ARID1A: variants seen among roughly 807,000 people sequenced by gnomAD.
The protein encoded by ARID1A is AT-rich interactive domain-containing protein 1A.
ARID1A carries 20 observed loss-of-function variants against 212.6 expected under a neutral mutation model. That is an observed-to-expected ratio of 0.09 (90% CI 0.07 to 0.14). ARID1A has a LOEUF of 0.14. Among genes scored for constraint, ARID1A ranks in the 10% least tolerant of loss-of-function variants. The probability of loss-of-function intolerance (pLI) is 1.00; values close to 1 mark genes in which losing one functional copy is unlikely to be tolerated. For missense variants in ARID1A, 2,587 were observed against 3,059.0 expected (o/e 0.85, Z 3.64); for synonymous variants, 1,376 against 1,222.1 (o/e 1.13, Z -2.63).
intron 1 of ARID1A, among the ~76,000 whole-genome samples, chr1:26,724,887 C>A (rs1333671411): frequency 6.6e-6 from 1 of 152,144 alleles, no homozygotes; most frequent in Non-Finnish European, 1.5e-5. Flanking sequence ...TCTTTTGATA[C>A]ATTTCATTTG....
chr1:26,778,402 C>T (rs1233970309), intron 19 of ARID1A: 2 of 151,968 alleles, frequency 1.3e-5, no homozygotes, highest in Non-Finnish European at 2.9e-5. Flanking sequence ...GTGTTTTCTT[C>T]TAGAGGTAAA....
intron 1 of ARID1A, among the ~76,000 whole-genome samples, chr1:26,703,422 A>G (rs912833983): frequency 2.0e-5 from 3 of 152,156 alleles, no homozygotes; most frequent in African/African-American, 4.8e-5. Flanking sequence ...TTTTAACTAG[A>G]TTCATTGATT....
At position 26,731,582 on chromosome 1, in the gene ARID1A, A is replaced by G. The variant is rs1301061653; in HGVS notation, c.1781A>G (p.Gln594Arg). The part of the protein sequence containing the change: ...SQQSQQTAYS[Q>R]QRFPPPQELS... ...CAGTCCCAGCAAACTGCCTATTCCC[A>G]GCAGCGCTTCCCTCCACCGCAGGTA... is the stretch of plus-strand genomic sequence containing the variant. The change falls in exon 3 of 20, where the codon CAG becomes CGG. Residue 594 changes from glutamine (Q) to arginine (R), a missense_variant. By Grantham distance (43) the Gln-to-Arg change is conservative. Coordinates refer to ENST00000324856, the MANE Select transcript of ARID1A (RefSeq NM_006015.6). 6.2e-7 allele frequency: 1 copy of G among 1,613,670 alleles called. No homozygotes were observed. Among genetic ancestry groups the G allele is most frequent in the Non-Finnish European group, 8.5e-7 (1 of 1,179,786 alleles).
chr1:26,743,816 A>G (rs932918809), intron 4 of ARID1A, among the ~76,000 whole-genome samples: 13 of 151,974 alleles, frequency 8.6e-5, no homozygotes, highest in Admixed American at 7.2e-4. Context: ...AAAACATTTG[A>G]AGGATTTTAA....
intron 2 of ARID1A, among the ~76,000 whole-genome samples, chr1:26,730,399 T>C (rs1325652475): frequency 6.6e-6 from 1 of 152,260 alleles, no homozygotes; most frequent in Non-Finnish European, 1.5e-5. Context: ...TTCACATCAT[T>C]ATCTCTTTAT....
chr1:26,775,764 A>C (rs1344534920), intron 19 of ARID1A, 57 bp downstream of exon 19: 2 of 1,611,496 alleles, frequency 1.2e-6, no homozygotes, highest in Non-Finnish European at 1.7e-6. Context: ...TAGTGTAGAC[A>C]ATGGGAATGT....
intron 4 of ARID1A, among the ~76,000 whole-genome samples, chr1:26,757,469 CAAA>C (rs753801327): frequency 6.3e-5 from 4 of 63,600 alleles, no homozygotes; most frequent in Non-Finnish European, 6.4e-5. Context: ...GACTCCGTCT[CAAA>C]AAAAAAAAAA....
chr1:26,773,225 T>G, intron 14 of ARID1A, 121 bp from the exon 15 acceptor site: 1 of 1,414,490 alleles, frequency 7.1e-7, no homozygotes, highest in Non-Finnish European at 9.5e-7. Flanking sequence ...GATCTCTGTT[T>G]TGAACTTGTC....
At position 26,781,471 on chromosome 1, in the gene ARID1A, A is replaced by G; in HGVS notation, c.*715A>G. 1 of 232,888 alleles carries G rather than the reference A, an allele frequency of 4.3e-6. No individual in the cohort carries two copies. Among genetic ancestry groups the G allele is most frequent in the Non-Finnish European group, 8.5e-6 (1 of 117,702 alleles). The allele number at this position is 232,888 out of a possible 1,614,324, so 14.4% of individuals were successfully genotyped here. ...TAAACGTTGAGGAGAAAAAAAAAAA[A>G]GGCTTTTCCCCCAAAGTATCATGTG... On this transcript the variant is annotated 3_prime_UTR_variant, in exon 20 of 20. Transcript: ENST00000324856.
rs368937545 is a variant in ARID1A, at chr1:26,696,769, C to T, written c.366C>T (p.Gly122=). The part of the protein sequence containing the change: ...ALNNNLTEPP[G]GGGGGSSDGV... ...ACAATAACCTCACGGAGCCGCCCGG[C>T]GGCGGCGGTGGCGGCAGCAGCGATG... Residue 122 remains glycine, a synonymous_variant, in exon 1 of 20, where the codon GGC becomes GGT. Coordinates refer to ENST00000324856, the MANE Select transcript of ARID1A (RefSeq NM_006015.6). The T allele has an allele frequency of 5.9e-6, 8 of 1,346,214 alleles. No individual in the cohort carries two copies. In the South Asian group the frequency reaches 8.0e-5, roughly 13 times the overall value. 83.4% of individuals were successfully genotyped at this position (1,346,214 alleles called of 1,614,324 possible). A position where few individuals can be genotyped will look rare whatever the true frequency, so the allele number is the denominator to read the frequency against.
In ARID1A at chr1:26,736,894, T is replaced by C. The variant is rs562307654; in HGVS notation, c.1920+4102T>C. Among the ~76,000 whole-genome samples, 858 of 145,024 alleles carry C rather than the reference T, an allele frequency of 5.9e-3. 1 individual carries two copies. Among genetic ancestry groups the C allele is most frequent in the Non-Finnish European group, 8.5e-3 (562 of 66,308 alleles). ...TCCAGCCTGGGCAACAAGAGTGAAA[T>C]TCTGTCTCAAAAAAAAAAAAAAAAA... On this transcript the variant is annotated intron_variant, in intron 4 of 19. Transcript: ENST00000324856.
intron 4 of ARID1A, among the ~76,000 whole-genome samples, chr1:26,749,689 A>G (rs2080868014): frequency 6.6e-6 from 1 of 152,138 alleles, no homozygotes; most frequent in Admixed American, 6.5e-5. Context: ...TTAGATTGAA[A>G]TTTCTCCAGT....
At chr1:26,754,891 G>A (rs1421256733) in intron 4 of ARID1A, among the ~76,000 whole-genome samples, 1 of 152,224 alleles carries the variant, frequency 6.6e-6, no homozygotes, top group African/African-American at 2.4e-5. Flanking sequence ...GGCCAAGGTA[G>A]GAGGATTGCT....
Position 26,744,843 on chromosome 1 carries a change from C to G in ARID1A, c.1920+12051C>G, listed in dbSNP as rs149863448. Reference sequence around the variant, plus strand: ...AGCAATTCAAACCCCCCACCCACCCCCTCAGAGCTTAGGGTGAGAGAGAGA... The same window carrying G: ...AGCAATTCAAACCCCCCACCCACCCGCTCAGAGCTTAGGGTGAGAGAGAGA... On this transcript the variant is annotated intron_variant, in intron 4 of 19. Transcript: ENST00000324856. Among the ~76,000 whole-genome samples, 17 of 152,152 alleles carry G rather than the reference C, an allele frequency of 1.1e-4. No individual in the cohort carries two copies. The East Asian group carries it at 3.3e-3, about 29-fold the overall frequency.
chr1:26,701,055 G>T (rs1254290289), intron 1 of ARID1A, among the ~76,000 whole-genome samples: 1 of 152,180 alleles, frequency 6.6e-6, no homozygotes, highest in Non-Finnish European at 1.5e-5. Flanking sequence ...GGATGTCTTG[G>T]ATTGCATTAA....
chr1:26,729,899 C>T (rs1412338970), intron 2 of ARID1A, 36 bp downstream of exon 2: 1 of 1,599,184 alleles, frequency 6.3e-7, no homozygotes, highest in Admixed American at 1.7e-5. Context: ...ACCCTTGTTG[C>T]TGTCCAAAAT....
intron 4 of ARID1A, among the ~76,000 whole-genome samples, chr1:26,734,250 A>G (rs1228340439): frequency 3.9e-5 from 6 of 152,070 alleles, no homozygotes; most frequent in African/African-American, 7.2e-5. Context: ...CAAGAACCCA[A>G]ATCGGTGGAT....
At chr1:26,776,418 C>T (rs527666059) in intron 19 of ARID1A, among the ~76,000 whole-genome samples, 73 of 148,942 alleles carry the variant, frequency 4.9e-4, no homozygotes, top group African/African-American at 1.6e-3. Flanking sequence ...GGACTACAGG[C>T]GCCCGCCACC....
In ARID1A at chr1:26,774,351, G is replaced by C. The variant is rs775351129; in HGVS notation, c.4124G>C (p.Gly1375Ala). 34 of 1,550,068 alleles carry C rather than the reference G, an allele frequency of 2.2e-5. No individual in the cohort carries two copies. The East Asian group carries it at 6.6e-4, about 30-fold the overall frequency. The change falls in exon 18 of 20, where the codon GGC (glycine) becomes GCC (alanine). Residue 1375 changes from glycine (G) to alanine (A), a missense_variant. Physicochemically the swap from Gly to Ala is moderately conservative, Grantham distance 60. Transcript: ENST00000324856. This position sits in a 1 kb window ranked among gnomAD's most constrained non-coding sequence, Gnocchi z 5.6. Reference sequence around the variant, plus strand: ...TAGAATTACAAGCGGCCAATGGATGGCACATATGGCCCTCCTGCCAAGCGG... The same window carrying C: ...TAGAATTACAAGCGGCCAATGGATGCCACATATGGCCCTCCTGCCAAGCGG... ...QQQNYKRPMD[G>A]TYGPPAKRHE...
Sources: gnomAD v4.1 joint callset for allele counts (sites outside exome capture counted in the v4.1 genomes callset) on GRCh38, gnomAD v4.1.1 for gene constraint, Gnocchi (gnomAD v3.1) non-coding constraint, MANE v1.5 for transcripts, NCBI Gene and HGNC (gene_info 2026-07-23, HGNC 2026-07-21) for gene names.